RSPO3: variants seen among roughly 807,000 people sequenced by gnomAD.
RSPO3 encodes R-spondin-3.
In RSPO3, 17 loss-of-function variants were observed where a neutral mutation model predicts 36.5. The observed-to-expected ratio is 0.47, with a 90% confidence interval of 0.32 to 0.70. The LOEUF (loss-of-function observed/expected upper bound fraction) is 0.70, where lower values mean the gene tolerates loss of function less well. RSPO3 is among the 30% of genes least tolerant of loss of function. The pLI is 0.04. For missense variants in RSPO3, 294 were observed against 322.5 expected, an observed-to-expected ratio of 0.91 and a Z score of 0.68; for synonymous variants, 108 against 107.0, an observed-to-expected ratio of 1.01 and a Z score of -0.06.
At chr6:127,185,948 T>C (rs1775286514) in intron 4 of RSPO3, among the ~76,000 whole-genome samples, 1 of 152,138 alleles carries the variant, frequency 6.6e-6, no homozygotes, top group South Asian at 2.1e-4. Flanking sequence ...TCAACACTTC[T>C]TCTGTTTCTG....
chr6:127,141,922 C>G (rs192093035), intron 1 of RSPO3, among the ~76,000 whole-genome samples: 63 of 152,098 alleles, frequency 4.1e-4, no homozygotes, highest in African/African-American at 1.5e-3. Context: ...GACATACAAA[C>G]ACATATGTGC....
At chr6:127,166,774 G>A (rs372781081) in intron 4 of RSPO3, among the ~76,000 whole-genome samples, 61 of 152,014 alleles carry the variant, frequency 4.0e-4, no homozygotes, top group East Asian at 2.5e-3. Flanking sequence ...TCAAAATTAC[G>A]TGTTTCCTCA....
chr6:127,131,506 C>T (rs1774056260), intron 1 of RSPO3, among the ~76,000 whole-genome samples: 1 of 152,120 alleles, frequency 6.6e-6, no homozygotes, highest in African/African-American at 2.4e-5. Context: ...GATAAGAACA[C>T]ATTCAAATGA....
chr6:127,154,939 A>G (rs1319287182), intron 3 of RSPO3, among the ~76,000 whole-genome samples: 2 of 152,194 alleles, frequency 1.3e-5, no homozygotes, highest in East Asian at 3.8e-4. Context: ...TGCTCTGGAA[A>G]TTATAAAGAA....
chr6:127,167,594 T>G (rs1456482592), intron 4 of RSPO3, among the ~76,000 whole-genome samples: 2 of 151,934 alleles, frequency 1.3e-5, no homozygotes, highest in Admixed American at 6.6e-5. Flanking sequence ...TGAATGCATG[T>G]AGCTTTATAA....
rs1319729849 is a variant in RSPO3, at chr6:127,198,387, T to C, written c.*2380T>C. 1.3e-5 allele frequency among the ~76,000 whole-genome samples: 2 copies of C among 152,152 alleles called. No homozygotes were observed. The highest frequency in any genetic ancestry group is 4.8e-5 in the African/African-American group (2 of 41,428). On this transcript the variant is annotated 3_prime_UTR_variant, in exon 5 of 5. Transcript: ENST00000356698. ...CACCAGTAACAGATCCTTAAGACAA[T>C]AGAATCATACAGTATTCAAACCAGC...
At chr6:127,161,826 T>A (rs2114603069) in intron 4 of RSPO3, among the ~76,000 whole-genome samples, 1 of 152,288 alleles carries the variant, frequency 6.6e-6, no homozygotes, top group Middle Eastern at 3.4e-3. Context: ...AGTGGTAGCA[T>A]TCTTCAGCTC....
chr6:127,150,643 T>C, intron 3 of RSPO3, 71 bp downstream of exon 3: 1 of 1,469,572 alleles, frequency 6.8e-7, no homozygotes, highest in Non-Finnish European at 9.2e-7. Flanking sequence ...TCAAAGTCCT[T>C]TGCCAAAAGA....
At position 127,197,398 on chromosome 6, in the gene RSPO3, C is replaced by T; in HGVS notation, c.*1391C>T. 6.5e-7 allele frequency: 1 copy of T among 1,549,714 alleles called. No individual in the cohort carries two copies. Among genetic ancestry groups the T allele is most frequent in the South Asian group, 1.2e-5 (1 of 83,992 alleles). ...CTTCAACATTTAGTCTTTTCTTCTC[C>T]ATATTTTCTATCTGTGGATCTCTTT... On this transcript the variant is annotated 3_prime_UTR_variant, in exon 5 of 5. Transcript: ENST00000356698.
chr6:127,172,197 T>C (rs1582807129), intron 4 of RSPO3, among the ~76,000 whole-genome samples: 3 of 148,190 alleles, frequency 2.0e-5, no homozygotes, highest in East Asian at 4.0e-4. Context: ...TTAATCATTA[T>C]AGATATACAG....
chr6:127,135,009 T>A (rs761781604), intron 1 of RSPO3, among the ~76,000 whole-genome samples: 7 of 152,186 alleles, frequency 4.6e-5, no homozygotes, highest in Non-Finnish European at 1.0e-4. Flanking sequence ...GAACTACTAA[T>A]ACCTCATTAG....
chr6:127,191,816 A>G (rs1775414231), intron 4 of RSPO3, among the ~76,000 whole-genome samples: 1 of 152,212 alleles, frequency 6.6e-6, no homozygotes, highest in African/African-American at 2.4e-5. Flanking sequence ...TCTGAATTCA[A>G]TACTTGCCCT....
At chr6:127,129,894 G>A (rs1007939634) in intron 1 of RSPO3, among the ~76,000 whole-genome samples, 3 of 152,020 alleles carry the variant, frequency 2.0e-5, no homozygotes, top group Non-Finnish European at 2.9e-5. Context: ...AAATGGAAGG[G>A]AAGGAATTCT....
At chr6:127,182,824 T>C (rs1055952682) in intron 4 of RSPO3, among the ~76,000 whole-genome samples, 1 of 151,930 alleles carries the variant, frequency 6.6e-6, no homozygotes, top group Admixed American at 6.6e-5. Flanking sequence ...CAAAAGAGGA[T>C]ACAAAAGCCC....
In RSPO3 at chr6:127,198,089, C is replaced by A. The variant is rs10457487; in HGVS notation, c.*2082C>A. 0.42 allele frequency among the ~76,000 whole-genome samples: 64,197 copies of A among 152,032 alleles called. 13,985 individuals carry two copies. The highest frequency in any genetic ancestry group is 0.51 in the East Asian group (2,601 of 5,142). On this transcript the variant is annotated 3_prime_UTR_variant, in exon 5 of 5. Transcript: ENST00000356698. ...CAAGCACTTACTGGGAAGGTCTACA[C>A]CTGCATAGGCAATGCTGGAAAAAGG...
At position 127,139,783 on chromosome 6, in the gene RSPO3, T is replaced by A. The variant is rs566457068; in HGVS notation, c.98-8865T>A. Among the ~76,000 whole-genome samples, 9 of 152,134 alleles carry A rather than the reference T, an allele frequency of 5.9e-5. No individual in the cohort carries two copies. The East Asian group carries it at 1.8e-3, about 30-fold the overall frequency. On this transcript the variant is annotated intron_variant, in intron 1 of 4. Transcript: ENST00000356698. ...CTCATCACCCTCATCCACCCCCTCT[T>A]GTCCTCTATTCACCTCCACTTGGGA...
rs1773770695 is a variant in RSPO3, at chr6:127,118,834, GC to G, written c.-358del. ...CTTCTGAGCCCAAGGGGCCGCCGCT[GC>G]AGCCGCCGCCGCCGCCGCTCGCCCG... On this transcript the variant is annotated 5_prime_UTR_variant, in exon 1 of 5. Coordinates refer to ENST00000356698, the MANE Select transcript of RSPO3 (RefSeq NM_032784.5). The G allele has an allele frequency of 6.2e-6, 1 of 161,372 alleles. No individual in the cohort carries two copies. The highest frequency in any genetic ancestry group is 1.3e-5 in the Non-Finnish European group (1 of 74,998). The allele number at this position is 161,372 out of a possible 1,614,324, so 10.0% of individuals were successfully genotyped here. A position where few individuals can be genotyped will look rare whatever the true frequency, so the allele number is the denominator to read the frequency against.
chr6:127,144,126 C>A lies in RSPO3; in HGVS notation c.98-4522C>A, dbSNP rs370598174. On this transcript the variant is annotated intron_variant, in intron 1 of 4. Coordinates refer to ENST00000356698, the MANE Select transcript of RSPO3 (RefSeq NM_032784.5). ...GGTTTAAGTTATGTATCAGTGTACA[C>A]CCTTTTTGTACAACTAACCATAATA... 1.7e-4 allele frequency among the ~76,000 whole-genome samples: 26 copies of A among 152,214 alleles called. No individual in the cohort carries two copies. In the South Asian group the frequency reaches 4.6e-3, roughly 27 times the overall value.
chr6:127,173,053 T>C (rs997122687), intron 4 of RSPO3, among the ~76,000 whole-genome samples: 6 of 151,826 alleles, frequency 4.0e-5, no homozygotes, highest in African/African-American at 1.2e-4. Context: ...TCTAATCATC[T>C]GCTCTTTTCT....
Sources: gnomAD v4.1 joint callset for allele counts (sites outside exome capture counted in the v4.1 genomes callset) on GRCh38, gnomAD v4.1.1 for gene constraint, MANE v1.5 for transcripts, NCBI Gene and HGNC (gene_info 2026-07-23, HGNC 2026-07-21) for gene names.